The following ATRX variants were observed in gnomAD, a reference collection of about 807,000 sequenced individuals.
The protein encoded by ATRX is ATRX chromatin remodeler.
Under a neutral mutation model 172.6 loss-of-function variants are expected in ATRX, and 12 were observed. The ratio of observed to expected loss-of-function variants is 0.07; its 90% CI spans 0.04 to 0.11. The LOEUF is 0.11. Ranked by LOEUF, ATRX falls within the 10% of genes least tolerant of loss-of-function variation. The probability of loss-of-function intolerance (pLI) is 1.00; values close to 1 mark genes in which losing one functional copy is unlikely to be tolerated. For synonymous variants in ATRX, 674 were observed against 594.7 expected (o/e 1.13, Z -1.94); for missense variants, 1,368 against 1,767.4 (o/e 0.77, Z 4.05).
At chrX:77,714,054 G>A (rs1209016041) in intron 2 of ATRX, among the ~76,000 whole-genome samples, 5 of 111,671 alleles carry the variant, frequency 4.5e-5, no homozygotes, top group African/African-American at 1.6e-4. Context: ...AGCTAGGTCA[G>A]AGAGCTTCAA....
At chrX:77,677,665 A>ATT (rs10710622) in intron 9 of ATRX, among the ~76,000 whole-genome samples, 203 of 98,680 alleles carry the variant, frequency 2.1e-3, no homozygotes, top group East Asian at 5.4e-3. Context: ...ACCTCCCTGT[A>ATT]TTTTTTTTTT....
At chrX:77,610,665 T>A (rs900064021) in intron 22 of ATRX, among the ~76,000 whole-genome samples, 6 of 111,188 alleles carry the variant, frequency 5.4e-5, no homozygotes, top group Non-Finnish European at 1.1e-4. Context: ...TTCATACATA[T>A]CCTTTTTATT....
intron 1 of ATRX, among the ~76,000 whole-genome samples, chrX:77,768,354 C>T (rs1373743321): frequency 8.9e-6 from 1 of 111,790 alleles, no homozygotes; most frequent in African/African-American, 3.2e-5. Flanking sequence ...ATGTTTCCTG[C>T]ATTTTAGAAA....
At chrX:77,750,168 TGTCA>T (rs2075243777) in intron 1 of ATRX, among the ~76,000 whole-genome samples, 2 of 111,890 alleles carry the variant, frequency 1.8e-5, no homozygotes, top group Non-Finnish European at 3.8e-5. Flanking sequence ...TTATAGTTAT[TGTCA>T]GTCTCTCACT....
intron 1 of ATRX, among the ~76,000 whole-genome samples, chrX:77,737,796 T>C (rs2074668611): frequency 2.7e-5 from 3 of 110,845 alleles, no homozygotes; most frequent in Non-Finnish European, 5.7e-5. Flanking sequence ...CCAAATGTGA[T>C]ACGAGCCCAT....
intron 1 of ATRX, among the ~76,000 whole-genome samples, chrX:77,772,669 G>T (rs2076199219): frequency 9.4e-6 from 1 of 106,093 alleles, no homozygotes. Context: ...TTTTAGTAGA[G>T]ACAGGGTTTC....
chrX:77,656,332 G>T (rs1483119024), intron 13 of ATRX, among the ~76,000 whole-genome samples: 1 of 111,506 alleles, frequency 9.0e-6, no homozygotes, highest in African/African-American at 3.3e-5. Context: ...CTGCAGACAC[G>T]AGTGGTTTTG....
chrX:77,602,252 T>C (rs1414118982), intron 22 of ATRX, among the ~76,000 whole-genome samples: 1 of 111,653 alleles, frequency 9.0e-6, no homozygotes, highest in East Asian at 2.8e-4. Context: ...TAAAGGATTG[T>C]TCTGCCTTGG....
At chrX:77,745,507 G>A (rs1464212508) in intron 1 of ATRX, among the ~76,000 whole-genome samples, 1 of 111,671 alleles carries the variant, frequency 9.0e-6, no homozygotes, top group Non-Finnish European at 1.9e-5. Context: ...AACTTCACAT[G>A]TTCTCACTTA....
At position 77,672,651 on chromosome X, in the gene ATRX, T is replaced by C. The variant is rs782633139; in HGVS notation, c.3809+3575A>G. Among the ~76,000 whole-genome samples, 3 of 110,540 alleles carry C rather than the reference T, an allele frequency of 2.7e-5. No individual in the cohort carries two copies. The Admixed American group carries it at 2.9e-4, about 11-fold the overall frequency. On this transcript the variant is annotated intron_variant, in intron 10 of 34. Transcript: ENST00000373344. Reference sequence around the variant, plus strand: ...ATAATTAAATATAACAATGGGACAATTTTTTTTAGCAATCTCCACATCAAA... The same window carrying C: ...ATAATTAAATATAACAATGGGACAACTTTTTTTAGCAATCTCCACATCAAA...
At chrX:77,607,708 CAAAAAAAAA>C (rs35946932) in intron 22 of ATRX, among the ~76,000 whole-genome samples, 1 of 41,161 alleles carries the variant, frequency 2.4e-5, no homozygotes, top group Non-Finnish European at 4.2e-5. Context: ...GACTCTGTCT[CAAAAAAAAA>C]AAAAAAAAAA....
intron 22 of ATRX, among the ~76,000 whole-genome samples, chrX:77,601,713 C>T (rs1369105016): frequency 9.0e-6 from 1 of 111,106 alleles, no homozygotes; most frequent in African/African-American, 3.3e-5. Context: ...TTTTCCTATC[C>T]ACGGTTTTAA....
At chrX:77,606,963 C>T (rs1669041627) in intron 22 of ATRX, among the ~76,000 whole-genome samples, 1 of 111,378 alleles carries the variant, frequency 9.0e-6, no homozygotes, top group South Asian at 3.7e-4. Flanking sequence ...CCCTAAAAAA[C>T]TGGGTATCAG....
Position 77,504,996 on chromosome X carries a change from G to GA in ATRX, c.*3354dup, listed in dbSNP as rs1163447114. On this transcript the variant is annotated 3_prime_UTR_variant, in exon 35 of 35. Transcript: ENST00000373344. ...TGGGACTGGCTCAGATTATAGACTT[G>GA]AAAAAAAATAACGGTAGAAAAATGT... 2.5e-5 allele frequency: 4 copies of GA among 162,341 alleles called. No individual in the cohort carries two copies. The highest frequency in any genetic ancestry group is 9.0e-5 in the East Asian group (1 of 11,070). The allele number at this position is 162,341 out of a possible 1,213,427, so 13.4% of individuals were successfully genotyped here.
chrX:77,540,625 C>T (rs1212998352), intron 30 of ATRX, among the ~76,000 whole-genome samples: 1 of 112,101 alleles, frequency 8.9e-6, no homozygotes, highest in Non-Finnish European at 1.9e-5. Context: ...TCTCTCAGAA[C>T]ACAGCGCAAT....
intron 34 of ATRX, among the ~76,000 whole-genome samples, chrX:77,515,271 A>G (rs1557038661): frequency 1.8e-5 from 2 of 111,832 alleles, no homozygotes; most frequent in Non-Finnish European, 3.8e-5. Context: ...AGGAACATAC[A>G]TTGTTCTATT....
chrX:77,660,656 T>G (rs1004200686), intron 12 of ATRX, among the ~76,000 whole-genome samples: 5 of 110,327 alleles, frequency 4.5e-5, no homozygotes, highest in African/African-American at 1.6e-4. Context: ...AATGATGTAC[T>G]ATTATTTATT....
chrX:77,560,281 T>C (rs1381558473), intron 28 of ATRX, among the ~76,000 whole-genome samples: 1 of 111,706 alleles, frequency 9.0e-6, no homozygotes, highest in Non-Finnish European at 1.9e-5. Context: ...AGGAAAAGAA[T>C]TACTCAGTTC....
At chrX:77,640,392 T>C (rs1174397860) in intron 15 of ATRX, among the ~76,000 whole-genome samples, 1 of 108,663 alleles carries the variant, frequency 9.2e-6, no homozygotes, top group Non-Finnish European at 1.9e-5. Context: ...TTAGGACAAA[T>C]AATCACTTAA....
Sources: gnomAD v4.1 joint callset for allele counts (sites outside exome capture counted in the v4.1 genomes callset) on GRCh38, gnomAD v4.1.1 for gene constraint, MANE v1.5 for transcripts, NCBI Gene and HGNC (gene_info 2026-07-23, HGNC 2026-07-21) for gene names.